Variants in SENP6 observed in about 807,000 individuals in gnomAD.
SENP6 encodes sentrin-specific protease 6.
Under a neutral mutation model 134.5 loss-of-function variants are expected in SENP6, and 41 were observed. That is an observed-to-expected ratio of 0.30 (90% CI 0.24 to 0.40). The LOEUF (loss-of-function observed/expected upper bound fraction) is 0.40. Among genes scored for constraint, SENP6 ranks in the 10% least tolerant of loss-of-function variants. SENP6 has a pLI of 1.00. For synonymous variants in SENP6, 395 were observed against 429.8 expected (o/e 0.92, Z 1.00); for missense variants, 1,248 against 1,312.5 (o/e 0.95, Z 0.76).
At chr6:75,674,512 G>T (rs569182659) in intron 11 of SENP6, among the ~76,000 whole-genome samples, 1 of 152,132 alleles carries the variant, frequency 6.6e-6, no homozygotes, top group South Asian at 2.1e-4. Context: ...TAGTAGAGAT[G>T]GGGTTTCACC....
intron 19 of SENP6, 101 bp from the exon 20 acceptor site, chr6:75,709,426 C>A (rs966728983): frequency 7.0e-6 from 5 of 714,646 alleles, no homozygotes; most frequent in African/African-American, 1.8e-5. Context: ...GTGTTCTTGA[C>A]TACTGTATCA....
chr6:75,665,143 G>A (rs1016351621), intron 9 of SENP6, among the ~76,000 whole-genome samples: 15 of 152,072 alleles, frequency 9.9e-5, no homozygotes, highest in African/African-American at 3.4e-4. Flanking sequence ...AAAATTAGCC[G>A]GGCATGGTGG....
chr6:75,679,042 T>G (rs1773284946), intron 16 of SENP6, 115 bp downstream of exon 16: 1 of 605,980 alleles, frequency 1.7e-6, no homozygotes, highest in East Asian at 2.9e-5. Context: ...TGCCACTTAC[T>G]GTGTGACATT....
intron 19 of SENP6, among the ~76,000 whole-genome samples, chr6:75,703,336 C>T (rs1775172312): frequency 6.6e-6 from 1 of 151,898 alleles, no homozygotes. Flanking sequence ...TTACTTATAA[C>T]AATATAGTAA....
In SENP6 at chr6:75,676,052, C is replaced by G. The variant is rs1399240014; in HGVS notation, c.1619C>G (p.Thr540Arg). ...WNDCKGVNKL[T>R]NLEEQYIILI... ...GATTGTAAAGGAGTAAATAAATTAA[C>G]AAGTAAGTTGTGTAAAACAGATTAT... The change falls in exon 13 of 24, where the codon ACA becomes AGA. Residue 540 changes from threonine to arginine, a missense_variant and splice_region_variant. Transcript: ENST00000447266. 6.3e-7 allele frequency: 1 copy of G among 1,578,166 alleles called. No homozygotes were observed. Among genetic ancestry groups the G allele is most frequent in the Non-Finnish European group, 8.6e-7 (1 of 1,161,374 alleles).
chr6:75,716,634 A>G lies in SENP6; in HGVS notation c.*1040A>G, dbSNP rs1377005466. The G allele has an allele frequency of 6.6e-6, 1 of 151,996 alleles. No homozygotes were observed. Among genetic ancestry groups the G allele is most frequent in the Non-Finnish European group, 1.5e-5 (1 of 67,840 alleles). The allele number at this position is 151,996 out of a possible 1,614,324, so 9.4% of individuals were successfully genotyped here. A position where few individuals can be genotyped will look rare whatever the true frequency, so the allele number is the denominator to read the frequency against. On this transcript the variant is annotated 3_prime_UTR_variant, in exon 24 of 24. Transcript: ENST00000447266. Reference sequence around the variant, plus strand: ...CTTTGAATTCCCCTTTAAAATAACTAAAATTTGATGGTTTCCATGACAGAT... The same window carrying G: ...CTTTGAATTCCCCTTTAAAATAACTGAAATTTGATGGTTTCCATGACAGAT...
chr6:75,715,547 C>T lies in SENP6; in HGVS notation c.3292C>T (p.Pro1098Ser). The change falls in exon 24 of 24, where the codon CCT becomes TCT. Residue 1098 changes from proline to serine, a missense_variant. Around this residue, in one of 3 missense-constraint regions of SENP6, gnomAD observed 386 missense variants for 395.0 expected, o/e 0.98. Transcript: ENST00000447266. The stretch of plus-strand genomic sequence containing the variant: ...TAAGGACACTTACTCAACAGAAGCA[C>T]CTTTAGGCGAAGGAACAGAACAATA... ...KHKDTYSTEA[P>S]LGEGTEQYVN... is the part of the protein sequence containing the mutation. 6.2e-7 allele frequency: 1 copy of T among 1,613,146 alleles called. No individual in the cohort carries two copies. Among genetic ancestry groups the T allele is most frequent in the South Asian group, 1.1e-5 (1 of 91,054 alleles).
At chr6:75,654,530 A>T (rs750756541) in intron 7 of SENP6, among the ~76,000 whole-genome samples, 16 of 152,252 alleles carry the variant, frequency 1.1e-4, no homozygotes, top group Non-Finnish European at 2.2e-4. Context: ...AAAGAAGATA[A>T]TGAGAATGTG....
chr6:75,695,649 A>G (rs1774610151), intron 16 of SENP6, among the ~76,000 whole-genome samples, 155 bp from the exon 17 acceptor site: 1 of 152,200 alleles, frequency 6.6e-6, no homozygotes, highest in Non-Finnish European at 1.5e-5. Context: ...AAGCAGGAGA[A>G]TCACTTGAAC....
At chr6:75,649,176 A>C (rs935945611) in intron 7 of SENP6, among the ~76,000 whole-genome samples, 1 of 152,028 alleles carries the variant, frequency 6.6e-6, no homozygotes, top group Admixed American at 6.6e-5. Flanking sequence ...TTAGCTGGGC[A>C]TGATGGCACA....
chr6:75,654,694 A>C (rs963527922), intron 7 of SENP6, among the ~76,000 whole-genome samples: 6 of 152,250 alleles, frequency 3.9e-5, no homozygotes, highest in African/African-American at 1.4e-4. Context: ...AACAGTTTGT[A>C]TTCTATCACT....
chr6:75,654,347 A>C (rs1454322683), intron 7 of SENP6, among the ~76,000 whole-genome samples: 1 of 152,256 alleles, frequency 6.6e-6, no homozygotes, highest in East Asian at 1.9e-4. Flanking sequence ...GCAAAGGCAC[A>C]ACAGGTGAAA....
intron 9 of SENP6, among the ~76,000 whole-genome samples, chr6:75,664,299 C>T (rs192730216): frequency 2.0e-5 from 3 of 151,544 alleles, no homozygotes; most frequent in Non-Finnish European, 2.9e-5. Context: ...AAACAGAACA[C>T]TAGGCTTTCC....
At chr6:75,692,101 C>T (rs1774318531) in intron 16 of SENP6, among the ~76,000 whole-genome samples, 1 of 152,180 alleles carries the variant, frequency 6.6e-6, no homozygotes, top group South Asian at 2.1e-4. Context: ...GGTGATCCGC[C>T]TGCCTCGGCC....
At chr6:75,603,369 ATGTTAT>A (rs1766783929) in intron 1 of SENP6, among the ~76,000 whole-genome samples, 1 of 152,184 alleles carries the variant, frequency 6.6e-6, no homozygotes, top group African/African-American at 2.4e-5. Context: ...ATAGAGCTAA[ATGTTAT>A]TGTAATTGTA....
chr6:75,701,680 C>T, intron 18 of SENP6, among the ~76,000 whole-genome samples: 1 of 123,722 alleles, frequency 8.1e-6, no homozygotes, highest in South Asian at 2.7e-4. Context: ...CGCTCTGTCG[C>T]CCAGGGTGGA....
At chr6:75,689,277 T>A (rs1484306790) in intron 16 of SENP6, among the ~76,000 whole-genome samples, 1 of 152,128 alleles carries the variant, frequency 6.6e-6, no homozygotes, top group African/African-American at 2.4e-5. Flanking sequence ...AAAGATGTTA[T>A]CTCTTTTTTA....
intron 2 of SENP6, among the ~76,000 whole-genome samples, chr6:75,622,279 C>T (rs1340507959): frequency 3.9e-5 from 6 of 152,034 alleles, no homozygotes; most frequent in Non-Finnish European, 7.4e-5. Context: ...GTTTTTTGGC[C>T]GGGCACAGTG....
At chr6:75,692,007 C>T (rs1206332508) in intron 16 of SENP6, among the ~76,000 whole-genome samples, 3 of 152,094 alleles carry the variant, frequency 2.0e-5, no homozygotes, top group Admixed American at 2.0e-4. Context: ...CAGGCATGTG[C>T]TACCACACCC....
Sources: gnomAD v4.1 joint callset for allele counts (sites outside exome capture counted in the v4.1 genomes callset) on GRCh38, gnomAD v4.1.1 for gene constraint, gnomAD v4.1.1 regional missense constraint, MANE v1.5 for transcripts, NCBI Gene and HGNC (gene_info 2026-07-23, HGNC 2026-07-21) for gene names.